The following IP6K3 variants were observed in gnomAD, a reference collection of about 807,000 sequenced individuals.
IP6K3 encodes the protein ATP:1D-myo-inositol-hexakisphosphate phosphotransferase.
A neutral mutation model predicts 28.8 loss-of-function variants in IP6K3; 20 were observed. That is an observed-to-expected ratio of 0.70 (90% confidence interval 0.49 to 1.01). IP6K3 has a LOEUF of 1.01. IP6K3 is among the 50% of genes least tolerant of loss of function. The pLI, the probability that IP6K3 is intolerant of heterozygous loss-of-function variation, is 0.00. For synonymous variants in IP6K3, 213 were observed against 221.3 expected (o/e 0.96, Z 0.33); for missense variants, 480 against 537.1 (o/e 0.89, Z 1.05).
the IP6K3 span, among the ~76,000 whole-genome samples, chr6:33,760,895 C>T: frequency 2.6e-5 from 4 of 151,906 alleles, no homozygotes; most frequent in Non-Finnish European, 5.9e-5. Context: ...CCTGGGAGCC[C>T]CCGCCTGCTC....
At chr6:33,731,398 C>G (rs564885468) in intron 2 of IP6K3, among the ~76,000 whole-genome samples, 8 of 152,340 alleles carry the variant, frequency 5.3e-5, no homozygotes, top group African/African-American at 1.4e-4. Context: ...ACCCACTCCT[C>G]CAGGCTCCAG....
chr6:33,744,620 C>T lies in IP6K3; in HGVS notation c.-180+2138G>A, dbSNP rs936537568. 1.3e-5 allele frequency among the ~76,000 whole-genome samples: 2 copies of T among 152,150 alleles called. No homozygotes were observed. Among genetic ancestry groups the T allele is most frequent in the African/African-American group, 4.8e-5 (2 of 41,424 alleles). On this transcript the variant is annotated intron_variant, in intron 1 of 5. Transcript: ENST00000293756. This position sits in a 1 kb window ranked among gnomAD's most constrained non-coding sequence, Gnocchi z 4.4. ...GCCCCAAATGCCTGAGAGGGATTAA[C>T]TGGAAACTAAAGCCAGCACCCACCT...
chr6:33,735,371 C>T lies in IP6K3; in HGVS notation c.106G>A (p.Glu36Lys), dbSNP rs148604030. ...GGHMSVMKYD[E>K]HTVCKPLVSR... is the part of the protein sequence containing the mutation. ...ACGAGGGGCTTGCACACCGTATGCT[C>T]GTCATACTTCATCACGCTCATGTGC... Residue 36 changes from glutamate (E) to lysine (K), a missense_variant, in exon 2 of 6, where the codon GAG becomes AAG. Physicochemically the swap from Glu to Lys is moderately conservative, Grantham distance 56. Coordinates refer to ENST00000293756, the MANE Select transcript of IP6K3 (RefSeq NM_054111.5). The T allele has an allele frequency of 1.7e-5, 28 of 1,606,146 alleles. No homozygotes were observed. In the African/African-American group the frequency reaches 2.4e-4, roughly 14 times the overall value.
At position 33,744,064 on chromosome 6, in the gene IP6K3, G is replaced by C. The variant is rs1286955162; in HGVS notation, c.-180+2694C>G. Among the ~76,000 whole-genome samples, 1 of 152,158 alleles carries C rather than the reference G, an allele frequency of 6.6e-6. No individual in the cohort carries two copies. The highest frequency in any genetic ancestry group is 1.5e-5 in the Non-Finnish European group (1 of 68,018). Reference sequence around the variant, plus strand: ...ATGACTCACGAAGTCAAGTGCCACTGGAAGGGCTGCTCTGGGGGAGGCAGA... The same window carrying C: ...ATGACTCACGAAGTCAAGTGCCACTCGAAGGGCTGCTCTGGGGGAGGCAGA... On this transcript the variant is annotated intron_variant, in intron 1 of 5. Transcript: ENST00000293756. The surrounding 1 kb of genome is among the most constrained non-coding windows in gnomAD (Gnocchi z 4.4).
In IP6K3 at chr6:33,735,472, A is replaced by G; in HGVS notation, c.5T>C (p.Val2Ala). Residue 2 changes from valine (V) to alanine (A), a missense_variant, in exon 2 of 6, where the codon GTT (valine) becomes GCT (alanine). Coordinates refer to ENST00000293756, the MANE Select transcript of IP6K3 (RefSeq NM_054111.5). ...CCCGGCGTCTGCGCTGTTTTGCACAACCATGGCGGCAGATGGTGGTGGTGG... is the reference window on the plus strand; with the variant it reads ...CCCGGCGTCTGCGCTGTTTTGCACAGCCATGGCGGCAGATGGTGGTGGTGG... M[V>A]VQNSADAGDM... The G allele has an allele frequency of 6.2e-7, 1 of 1,608,652 alleles. No homozygotes were observed. The highest frequency in any genetic ancestry group is 1.3e-5 in the African/African-American group (1 of 75,022).
upstream of IP6K3, among the ~76,000 whole-genome samples, chr6:33,747,924 G>A (rs937372578): frequency 3.9e-5 from 6 of 152,104 alleles, no homozygotes; most frequent in Non-Finnish European, 8.8e-5. The surrounding 1 kb of genome is among the most constrained non-coding windows in gnomAD (Gnocchi z 5.2). Flanking sequence ...GAGTTCCTGA[G>A]ATGTTCAGGA....
At chr6:33,759,641 A>G in the IP6K3 span, among the ~76,000 whole-genome samples, 2 of 152,216 alleles carry the variant, frequency 1.3e-5, no homozygotes, top group African/African-American at 2.4e-5. Flanking sequence ...AGGCAGGTGG[A>G]TCATGAGGTC....
chr6:33,728,456 C>T (rs1766203873), intron 2 of IP6K3, among the ~76,000 whole-genome samples, 156 bp from the exon 3 acceptor site: 1 of 152,190 alleles, frequency 6.6e-6, no homozygotes, highest in Non-Finnish European at 1.5e-5. Context: ...ATGGGACTGG[C>T]CTGGTTTTGC....
upstream of IP6K3, among the ~76,000 whole-genome samples, chr6:33,751,604 G>A (rs969507714): frequency 2.0e-5 from 3 of 151,946 alleles, no homozygotes; most frequent in African/African-American, 4.8e-5. This position sits in a 1 kb window ranked among gnomAD's most constrained non-coding sequence, Gnocchi z 4.3. Context: ...GGGGCAGAGG[G>A]CCGGCCCTGC....
chr6:33,759,340 G>A, the IP6K3 span, among the ~76,000 whole-genome samples: 433 of 152,204 alleles, frequency 2.8e-3, 4 homozygotes, highest in African/African-American at 9.3e-3. Flanking sequence ...GCAGTGGCGC[G>A]ATCTTGGCTC....
chr6:33,730,693 G>C (rs1045107050), intron 2 of IP6K3, among the ~76,000 whole-genome samples: 1 of 152,182 alleles, frequency 6.6e-6, no homozygotes, highest in African/African-American at 2.4e-5. Context: ...ACGCCTGTAA[G>C]GGTTTTGACG....
At chr6:33,755,594 T>C in the IP6K3 span, among the ~76,000 whole-genome samples, 97 of 152,380 alleles carry the variant, frequency 6.4e-4, no homozygotes, top group African/African-American at 2.1e-3. Flanking sequence ...TGGGGTCCTG[T>C]GTTTTGTGTG....
At chr6:33,725,666 C>A in intron 4 of IP6K3, 50 bp from the exon 5 acceptor site, 1 of 1,552,718 alleles carries the variant, frequency 6.4e-7, no homozygotes, top group South Asian at 1.2e-5. Flanking sequence ...AACTGCTGCT[C>A]CGCCAGAGGT....
At chr6:33,735,700 T>A in intron 1 of IP6K3, 45 bp from the exon 2 acceptor site, 3 of 1,164,126 alleles carry the variant, frequency 2.6e-6, no homozygotes, top group Non-Finnish European at 3.5e-6. Flanking sequence ...AGGGAGGTGG[T>A]GGCTGGGGCA....
Position 33,742,571 on chromosome 6 carries a change from T to G in IP6K3, c.-180+4187A>C, listed in dbSNP as rs1301481997. ...GGGGCCTGCCAAGACCTTACCCAAATCCTCACCACCACAATCTGCAGAGTA... is the reference window on the plus strand; with the variant it reads ...GGGGCCTGCCAAGACCTTACCCAAAGCCTCACCACCACAATCTGCAGAGTA... On this transcript the variant is annotated intron_variant, in intron 1 of 5. Transcript: ENST00000293756. This position sits in a 1 kb window ranked among gnomAD's most constrained non-coding sequence, Gnocchi z 4.5. 6.6e-6 allele frequency among the ~76,000 whole-genome samples: 1 copy of G among 152,028 alleles called. No homozygotes were observed. Among genetic ancestry groups the G allele is most frequent in the Non-Finnish European group, 1.5e-5 (1 of 67,998 alleles).
intron 2 of IP6K3, among the ~76,000 whole-genome samples, chr6:33,732,599 T>G (rs688209): frequency 0.23 from 35,344 of 152,150 alleles, 5,057 homozygotes; most frequent in African/African-American, 0.4. Flanking sequence ...GAGCCAGACC[T>G]CAGGGCTTGG....
chr6:33,750,943 CA>C (rs1767013372), upstream of IP6K3, among the ~76,000 whole-genome samples: 1 of 152,174 alleles, frequency 6.6e-6, no homozygotes, highest in Non-Finnish European at 1.5e-5. This position sits in a 1 kb window ranked among gnomAD's most constrained non-coding sequence, Gnocchi z 4.3. Flanking sequence ...ACAGTGTAAA[CA>C]TGGGTGGCGG....
the IP6K3 span, among the ~76,000 whole-genome samples, chr6:33,758,874 C>T: frequency 6.6e-6 from 1 of 152,204 alleles, no homozygotes; most frequent in Non-Finnish European, 1.5e-5. Context: ...GCTGGGATTA[C>T]AGGCGTGAAC....
At chr6:33,755,260 A>C in the IP6K3 span, among the ~76,000 whole-genome samples, 1 of 152,252 alleles carries the variant, frequency 6.6e-6, no homozygotes, top group African/African-American at 2.4e-5. Context: ...GGCCACTTGC[A>C]GGCCTGGGCC....
Sources: allele counts gnomAD v4.1 joint callset (sites outside exome capture counted in the v4.1 genomes callset), GRCh38; gene constraint gnomAD v4.1.1; non-coding constraint Gnocchi (gnomAD v3.1); transcripts MANE v1.5; gene names NCBI Gene and HGNC (gene_info 2026-07-23, HGNC 2026-07-21).